Variants in LRRC7 observed in about 807,000 individuals in gnomAD.
LRRC7 encodes the protein leucine-rich repeat-containing protein 7.
LRRC7 carries 23 observed loss-of-function variants against 175.7 expected under a neutral mutation model. That is an observed-to-expected ratio of 0.13 (90% confidence interval 0.09 to 0.19). The LOEUF (loss-of-function observed/expected upper bound fraction) is 0.19, where lower values mean the gene tolerates loss of function less well. Ranked by LOEUF, LRRC7 falls within the 10% of genes least tolerant of loss-of-function variation. The pLI, the probability that LRRC7 is intolerant of heterozygous loss-of-function variation, is 1.00. For missense variants in LRRC7, 1,354 were observed against 1,904.7 expected (o/e 0.71, Z 5.38); for synonymous variants, 685 against 680.9 (o/e 1.01, Z -0.09).
intron 2 of LRRC7, among the ~76,000 whole-genome samples, chr1:69,725,327 G>A (rs1285085072): frequency 6.6e-6 from 1 of 152,122 alleles, no homozygotes; most frequent in African/African-American, 2.4e-5. Flanking sequence ...CCACGTTTAA[G>A]TGGGCCCGTA....
intron 1 of LRRC7, among the ~76,000 whole-genome samples, chr1:69,653,629 TA>T (rs2100496880): frequency 6.6e-6 from 1 of 152,256 alleles, no homozygotes; most frequent in Admixed American, 6.5e-5. Flanking sequence ...AACTACCATA[TA>T]ATCCAGCAAT....
At chr1:69,568,847 G>A (rs1645611050) in intron 1 of LRRC7, among the ~76,000 whole-genome samples, 1 of 152,190 alleles carries the variant, frequency 6.6e-6, no homozygotes, top group Admixed American at 6.5e-5. Context: ...TTGGAAATGG[G>A]GTGCTAACTG....
intron 24 of LRRC7, among the ~76,000 whole-genome samples, chr1:70,089,325 T>G (rs1663850147): frequency 6.6e-6 from 1 of 152,200 alleles, no homozygotes; most frequent in Non-Finnish European, 1.5e-5. Context: ...ACTCTACATT[T>G]TAAAGTTTTG....
chr1:69,889,210 G>A (rs1345064223), intron 7 of LRRC7, among the ~76,000 whole-genome samples: 1 of 152,158 alleles, frequency 6.6e-6, no homozygotes, highest in Non-Finnish European at 1.5e-5. Flanking sequence ...GGTTGATTAA[G>A]GTTATGGTGG....
At chr1:69,578,831 T>C (rs1430285614) in intron 1 of LRRC7, among the ~76,000 whole-genome samples, 1 of 146,918 alleles carries the variant, frequency 6.8e-6, no homozygotes, top group Non-Finnish European at 1.5e-5. Context: ...TTAGGAGATA[T>C]ACCTAATGCT....
chr1:69,781,673 C>A, intron 3 of LRRC7, among the ~76,000 whole-genome samples: 1 of 112,326 alleles, frequency 8.9e-6, no homozygotes, highest in African/African-American at 3.8e-5. Context: ...CAGAGCAAGA[C>A]TGTCTCAAAA....
chr1:69,992,415 T>C (rs1040186009), intron 10 of LRRC7, among the ~76,000 whole-genome samples: 3 of 152,046 alleles, frequency 2.0e-5, no homozygotes, highest in African/African-American at 4.8e-5. Flanking sequence ...AGGGCACAAG[T>C]AGAGAGAAGG....
At position 70,112,776 on chromosome 1, in the gene LRRC7, T is replaced by C. The variant is rs774713685; in HGVS notation, c.4620+4950T>C. 3.1e-4 allele frequency among the ~76,000 whole-genome samples: 47 copies of C among 152,062 alleles called. 2 individuals carry two copies. Among genetic ancestry groups the C allele is most frequent in the Admixed American group, 2.0e-4 (3 of 15,260 alleles). ...GAGTTTATTCCTGGTGGAGCAGAAG[T>C]TCCTCCAGGCTTAACAGAAAGAAAA... On this transcript the variant is annotated intron_variant, in intron 26 of 26. Coordinates refer to ENST00000651989, the MANE Select transcript of LRRC7 (RefSeq NM_001370785.2).
intron 7 of LRRC7, among the ~76,000 whole-genome samples, chr1:69,913,472 G>A (rs932275799): frequency 1.5e-4 from 23 of 152,182 alleles, no homozygotes; most frequent in African/African-American, 4.3e-4. Context: ...ACAACAATAA[G>A]TTACATATTC....
intron 7 of LRRC7, among the ~76,000 whole-genome samples, chr1:69,929,598 T>G (rs1203823045): frequency 6.6e-6 from 1 of 152,188 alleles, no homozygotes; most frequent in African/African-American, 2.4e-5. Context: ...ATAAATTTTT[T>G]ATAATAAGAA....
At chr1:70,075,842 C>G (rs1162223509) in intron 23 of LRRC7, among the ~76,000 whole-genome samples, 1 of 152,172 alleles carries the variant, frequency 6.6e-6, no homozygotes, top group Non-Finnish European at 1.5e-5. Flanking sequence ...TTAAAATTAT[C>G]TCTGGCAAGC....
At chr1:69,838,361 C>A in intron 7 of LRRC7, 78 bp downstream of exon 7, 1 of 1,206,304 alleles carries the variant, frequency 8.3e-7, no homozygotes, top group Non-Finnish European at 1.2e-6. Flanking sequence ...TTTATTTTGT[C>A]TGTGTTTTGG....
At chr1:69,896,677 A>G (rs1645988930) in intron 7 of LRRC7, among the ~76,000 whole-genome samples, 1 of 152,044 alleles carries the variant, frequency 6.6e-6, no homozygotes, top group South Asian at 2.1e-4. Flanking sequence ...TGTCCTTCCT[A>G]TACCATTGCC....
chr1:70,114,164 A>G (rs1415772803), intron 26 of LRRC7, among the ~76,000 whole-genome samples: 1 of 152,222 alleles, frequency 6.6e-6, no homozygotes, highest in African/African-American at 2.4e-5. Flanking sequence ...AGCATTTCCC[A>G]ACAAGGCCAA....
At position 70,027,867 on chromosome 1, in the gene LRRC7, T is replaced by A. The variant is rs956345688; in HGVS notation, c.1795-304T>A. On this transcript the variant is annotated intron_variant, in intron 17 of 26. Coordinates refer to ENST00000651989, the MANE Select transcript of LRRC7 (RefSeq NM_001370785.2). ...AAACAGCTGCTATAACTTGATTAAA[T>A]TTTTCAAATTACCAATCACTTAAGT... 8.5e-5 allele frequency among the ~76,000 whole-genome samples: 13 copies of A among 152,266 alleles called. No homozygotes were observed. In the East Asian group the frequency reaches 1.9e-3, roughly 23 times the overall value.
intron 24 of LRRC7, among the ~76,000 whole-genome samples, chr1:70,085,253 G>A (rs1321867479): frequency 6.6e-6 from 1 of 152,046 alleles, no homozygotes; most frequent in African/African-American, 2.4e-5. Flanking sequence ...TCATCAAAGG[G>A]TTTTATAATC....
At chr1:69,766,576 G>A (rs964693376) in intron 3 of LRRC7, among the ~76,000 whole-genome samples, 1 of 152,098 alleles carries the variant, frequency 6.6e-6, no homozygotes, top group African/African-American at 2.4e-5. Context: ...ACCAAGCTAT[G>A]TATTCTTAAT....
chr1:69,825,495 T>C (rs1679800278), intron 4 of LRRC7, among the ~76,000 whole-genome samples: 1 of 152,094 alleles, frequency 6.6e-6, no homozygotes, highest in African/African-American at 2.4e-5. Context: ...ACAATTGTCC[T>C]CAATTTTACA....
intron 1 of LRRC7, among the ~76,000 whole-genome samples, chr1:69,670,909 C>T (rs763213430): frequency 3.9e-4 from 60 of 152,096 alleles, no homozygotes; most frequent in Non-Finnish European, 1.2e-4. Context: ...TTCGGGGCAG[C>T]GGGCTTCCTT....
Sources: gnomAD v4.1 joint callset for allele counts (sites outside exome capture counted in the v4.1 genomes callset) on GRCh38, gnomAD v4.1.1 for gene constraint, MANE v1.5 for transcripts, NCBI Gene and HGNC (gene_info 2026-07-23, HGNC 2026-07-21) for gene names.